The following IFIT3 variants were observed in gnomAD, a reference collection of about 807,000 sequenced individuals.
The protein encoded by IFIT3 is interferon-induced protein with tetratricopeptide repeats 3.
In IFIT3, 2 loss-of-function variants were observed where a neutral mutation model predicts 2.4. The observed-to-expected ratio is 0.82, with a 90% CI of 0.34 to 2.60. IFIT3 has a LOEUF of 2.60. Ranked by LOEUF, IFIT3 falls within the 30% of genes most tolerant of loss-of-function variation. IFIT3 has a pLI of 0.11. For missense variants in IFIT3, 481 were observed against 562.4 expected, an observed-to-expected ratio of 0.86 and a Z score of 1.46; for synonymous variants, 203 against 212.1, an observed-to-expected ratio of 0.96 and a Z score of 0.37.
chr10:89,329,311 A>G lies in IFIT3; in HGVS notation c.5+1233A>G, dbSNP rs140117983. On this transcript the variant is annotated intron_variant, in intron 1 of 1. Coordinates refer to ENST00000371818, the MANE Select transcript of IFIT3 (RefSeq NM_001549.6). ...CTCAGTATATAGAATACCCTTTTATATAGAATAAGTTCCTGGTCAAGAGTG... is the reference window on the plus strand; with the variant it reads ...CTCAGTATATAGAATACCCTTTTATGTAGAATAAGTTCCTGGTCAAGAGTG... Among the ~76,000 whole-genome samples the G allele has an allele frequency of 2.9e-4, 44 of 152,326 alleles. No homozygotes were observed. The East Asian group carries it at 8.1e-3, about 28-fold the overall frequency.
chr10:89,337,176 G>A (rs890934954), intron 1 of IFIT3, among the ~76,000 whole-genome samples: 1 of 152,130 alleles, frequency 6.6e-6, no homozygotes, highest in African/African-American at 2.4e-5. Context: ...ATAACATGTT[G>A]GCAGACATAT....
rs1368992868 is a variant in IFIT3 at position 89,339,688 on chromosome 10, C to G, written c.1033C>G (p.Gln345Glu). The G allele has an allele frequency of 2.5e-6, 4 of 1,614,174 alleles. No homozygotes were observed. Among genetic ancestry groups the G allele is most frequent in the Non-Finnish European group, 2.5e-6 (3 of 1,180,026 alleles). Residue 345 changes from glutamine to glutamate, a missense_variant, in exon 2 of 2, where the codon CAG becomes GAG. Coordinates refer to ENST00000371818, the MANE Select transcript of IFIT3 (RefSeq NM_001549.6). ...TGAGTTCCTGGAGACGGAATGTTAT[C>G]AGACACCATTCAATAAGGAAGTCCC... ...LAEFLETECY[Q>E]TPFNKEVPDA...
Position 89,340,030 on chromosome 10 carries a change from T to G in IFIT3, c.1375T>G (p.Ser459Ala). The change falls in exon 2 of 2, where the codon TCA (serine) becomes GCA (alanine). Residue 459 changes from serine (S) to alanine (A), a missense_variant. Ser to Ala is a moderately conservative substitution (Grantham distance 99). Coordinates refer to ENST00000371818, the MANE Select transcript of IFIT3 (RefSeq NM_001549.6). The stretch of plus-strand genomic sequence containing the variant: ...TTCAGGCATAGGCAGTATTTTCCTG[T>G]CAGCATCTGAGCTTGAGGATGGTAG... ...APSGIGSIFL[S>A]ASELEDGSEE... The G allele has an allele frequency of 6.2e-7, 1 of 1,614,208 alleles. No individual in the cohort carries two copies. Among genetic ancestry groups the G allele is most frequent in the Non-Finnish European group, 8.5e-7 (1 of 1,180,024 alleles).
At chr10:89,331,151 T>G (rs1415821441) in intron 1 of IFIT3, among the ~76,000 whole-genome samples, 1 of 152,080 alleles carries the variant, frequency 6.6e-6, no homozygotes, top group African/African-American at 2.4e-5. Flanking sequence ...TGACAACTTC[T>G]CTTGTTGTTG....
At chr10:89,337,936 A>G (rs923518452) in intron 1 of IFIT3, among the ~76,000 whole-genome samples, 1 of 152,228 alleles carries the variant, frequency 6.6e-6, no homozygotes, top group Admixed American at 6.5e-5. Context: ...CTTAAAATAC[A>G]GTATTCAATA....
At position 89,332,332 on chromosome 10, in the gene IFIT3, A is replaced by G. The variant is rs142793743; in HGVS notation, c.5+4254A>G. 45 of 244,184 alleles carry G rather than the reference A, an allele frequency of 1.8e-4. No homozygotes were observed. In the East Asian group the frequency reaches 7.6e-3, roughly 41 times the overall value. 15.1% of individuals were successfully genotyped at this position (244,184 alleles called of 1,614,324 possible). A position where few individuals can be genotyped will look rare whatever the true frequency, so the allele number is the denominator to read the frequency against. ...CACATTTGGAAGCTTCTAAAATTTT[A>G]TTTTCTTTTTACAGTGCCTTTTTAC... is the stretch of plus-strand genomic sequence containing the variant. On this transcript the variant is annotated intron_variant, in intron 1 of 1. Coordinates refer to ENST00000371818, the MANE Select transcript of IFIT3 (RefSeq NM_001549.6).
intron 1 of IFIT3, among the ~76,000 whole-genome samples, chr10:89,336,784 C>A (rs774079347): frequency 3.9e-5 from 6 of 152,066 alleles, no homozygotes; most frequent in Non-Finnish European, 5.9e-5. Context: ...TCTGTGAAAT[C>A]CAAAAATAAG....
chr10:89,330,921 T>C (rs1036907782), intron 1 of IFIT3, among the ~76,000 whole-genome samples: 3 of 152,224 alleles, frequency 2.0e-5, no homozygotes, highest in African/African-American at 7.2e-5. Flanking sequence ...TCACATCAGA[T>C]TCACTGCACC....
rs374038623 is a variant in IFIT3 at position 89,339,389 on chromosome 10, G to A, written c.734G>A (p.Arg245His). ...TCTCCTTGCCAAACAGATGTCCTCC[G>A]CAGTGCAGCCAAATTTTACAGAAGA... is the stretch of plus-strand genomic sequence containing the variant. ...EKSPCQTDVL[R>H]SAAKFYRRKG... The change falls in exon 2 of 2, where the codon CGC (arginine) becomes CAC (histidine). Residue 245 changes from arginine to histidine, a missense_variant. Physicochemically the swap from Arg to His is conservative, Grantham distance 29 (BLOSUM62 0). Transcript: ENST00000371818. 48 of 1,614,000 alleles carry A rather than the reference G, an allele frequency of 3.0e-5. No individual in the cohort carries two copies. The highest frequency in any genetic ancestry group is 1.1e-4 in the East Asian group (5 of 44,900).
chr10:89,339,797 A>G lies in IFIT3; in HGVS notation c.1142A>G (p.His381Arg). The stretch of plus-strand genomic sequence containing the variant: ...AAGTCTGAAGACACTGCTGTGCAAC[A>G]TGGTTTAGAGGGTTTGTCCATAAGC... ...NGKSEDTAVQ[H>R]GLEGLSISKK... The change falls in exon 2 of 2, where the codon CAT becomes CGT. Residue 381 changes from histidine to arginine, a missense_variant. Transcript: ENST00000371818. 7 of 1,614,208 alleles carry G rather than the reference A, an allele frequency of 4.3e-6. No individual in the cohort carries two copies. Among genetic ancestry groups the G allele is most frequent in the Non-Finnish European group, 5.1e-6 (6 of 1,180,032 alleles).
At chr10:89,330,675 T>C (rs1218362705) in intron 1 of IFIT3, among the ~76,000 whole-genome samples, 1 of 152,234 alleles carries the variant, frequency 6.6e-6, no homozygotes, top group African/African-American at 2.4e-5. Context: ...CTCAGTGATA[T>C]GACTCAAGAA....
intron 1 of IFIT3, chr10:89,332,497 T>G (rs753681594): frequency 3.2e-6 from 5 of 1,572,082 alleles, no homozygotes; most frequent in Non-Finnish European, 4.3e-6. Flanking sequence ...CCTTTCCCCT[T>G]TCATAAAAGC....
At position 89,328,038 on chromosome 10, in the gene IFIT3, C is replaced by T; in HGVS notation, c.-36C>T. The T allele has an allele frequency of 3.1e-6, 5 of 1,613,478 alleles. No individual in the cohort carries two copies. The highest frequency in any genetic ancestry group is 4.2e-6 in the Non-Finnish European group (5 of 1,179,514). On this transcript the variant is annotated 5_prime_UTR_variant, in exon 1 of 2. Coordinates refer to ENST00000371818, the MANE Select transcript of IFIT3 (RefSeq NM_001549.6). Reference sequence around the variant, plus strand: ...CTGAAGAACAAATCAGCCTGGTCACCAGCTTTTCGGAACAGCAGAGACACA... The same window carrying T: ...CTGAAGAACAAATCAGCCTGGTCACTAGCTTTTCGGAACAGCAGAGACACA...
At chr10:89,335,877 G>A (rs934370020) in intron 1 of IFIT3, among the ~76,000 whole-genome samples, 4 of 152,062 alleles carry the variant, frequency 2.6e-5, no homozygotes, top group Non-Finnish European at 5.9e-5. Flanking sequence ...AATTATCATC[G>A]TTATAACTTA....
rs1378263801 is a variant in IFIT3 at position 89,340,578 on chromosome 10, AAAAG to A, written c.*452_*455del. On this transcript the variant is annotated 3_prime_UTR_variant, in exon 2 of 2. Transcript: ENST00000371818. ...ATCTCAAAAAAAAAAAAAAAAAAAA[AAAAG>A]AGTTGTTTTCTCATGTTCATTATAG... 94 of 153,730 alleles carry A rather than the reference AAAAG, an allele frequency of 6.1e-4. No individual in the cohort carries two copies. Among genetic ancestry groups the A allele is most frequent in the African/African-American group, 2.2e-3 (91 of 41,134 alleles). 9.5% of individuals were successfully genotyped at this position (153,730 alleles called of 1,614,324 possible). A position where few individuals can be genotyped will look rare whatever the true frequency, so the allele number is the denominator to read the frequency against.
At chr10:89,336,835 T>C (rs1843749009) in intron 1 of IFIT3, among the ~76,000 whole-genome samples, 1 of 152,194 alleles carries the variant, frequency 6.6e-6, no homozygotes, top group Non-Finnish European at 1.5e-5. Flanking sequence ...TTTCCAATCT[T>C]ATGGTGCCGT....
At chr10:89,331,503 A>C (rs1843649636) in intron 1 of IFIT3, among the ~76,000 whole-genome samples, 1 of 152,154 alleles carries the variant, frequency 6.6e-6, no homozygotes, top group Non-Finnish European at 1.5e-5. Flanking sequence ...TAACATACAG[A>C]TATACAATTT....
At chr10:89,331,460 T>A (rs7073534) in intron 1 of IFIT3, among the ~76,000 whole-genome samples, 37,701 of 151,946 alleles carry the variant, frequency 0.25, 4,956 homozygotes, top group African/African-American at 0.32. Context: ...GGCGTGAGCC[T>A]CCGTGCCTGG....
rs1395067188 is a variant in IFIT3, at chr10:89,340,392, A to G, written c.*264A>G. The G allele has an allele frequency of 2.9e-5, 7 of 241,376 alleles. No individual in the cohort carries two copies. The Admixed American group carries it at 3.0e-4, about 10-fold the overall frequency. The allele number at this position is 241,376 out of a possible 1,614,324, so 15.0% of individuals were successfully genotyped here. On this transcript the variant is annotated 3_prime_UTR_variant, in exon 2 of 2. Transcript: ENST00000371818. ...GCTAACACAGTGAAATCCCGTCTCT[A>G]CTAAAAATACAAAAAATTAGCCAGG...
Sources: allele counts gnomAD v4.1 joint callset (sites outside exome capture counted in the v4.1 genomes callset), GRCh38; gene constraint gnomAD v4.1.1; transcripts MANE v1.5; gene names NCBI Gene and HGNC (gene_info 2026-07-23, HGNC 2026-07-21).